The following USP32 variants were observed in gnomAD, a reference collection of about 807,000 sequenced individuals.
USP32 encodes ubiquitin specific peptidase 32.
In USP32, 59 loss-of-function variants were observed where a neutral mutation model predicts 204.8. The observed-to-expected ratio is 0.29, with a 90% CI of 0.23 to 0.36. The LOEUF is 0.36. USP32 is among the 10% of genes least tolerant of loss of function. USP32 has a pLI of 1.00. For missense variants in USP32, 1,160 were observed against 1,946.4 expected (o/e 0.60, Z 7.60); for synonymous variants, 517 against 678.4 (o/e 0.76, Z 3.70).
chr17:60,334,598 A>C (rs1455523293), intron 2 of USP32, among the ~76,000 whole-genome samples: 4 of 145,878 alleles, frequency 2.7e-5, no homozygotes, highest in Non-Finnish European at 5.9e-5. Flanking sequence ...AGGCTGAGGC[A>C]GGAGAATGGC....
rs181417242 is a variant in USP32 at position 60,209,255 on chromosome 17, T to C, written c.2598+115A>G. On this transcript the variant is annotated intron_variant, in intron 22 of 33. Transcript: ENST00000300896. The stretch of plus-strand genomic sequence containing the variant: ...CACAGAAATAGAAATTCATTCATTT[T>C]TGCAGTAAAGTTCTGATCTCAGAAT... 1,575 of 879,782 alleles carry C rather than the reference T, an allele frequency of 1.8e-3. 67 individuals carry two copies. In the Admixed American group the frequency reaches 0.052, roughly 29 times the overall value. The allele number at this position is 879,782 out of a possible 1,614,324, so 54.5% of individuals were successfully genotyped here. A position where few individuals can be genotyped will look rare whatever the true frequency, so the allele number is the denominator to read the frequency against.
At chr17:60,250,523 G>A (rs1598142539) in intron 11 of USP32, among the ~76,000 whole-genome samples, 1 of 151,836 alleles carries the variant, frequency 6.6e-6, no homozygotes, top group South Asian at 2.1e-4. Flanking sequence ...TACAATATCT[G>A]GTTTCTACAT....
chr17:60,395,025 C>T (rs1192864238), upstream of USP32, among the ~76,000 whole-genome samples: 4 of 152,038 alleles, frequency 2.6e-5, no homozygotes, highest in African/African-American at 9.7e-5. Context: ...ATTAGAGGCA[C>T]GAGCCACCAC....
intron 31 of USP32, 107 bp downstream of exon 31, chr17:60,183,058 G>C (rs1213234974): frequency 1.4e-6 from 2 of 1,440,954 alleles, no homozygotes; most frequent in Non-Finnish European, 1.9e-6. Context: ...ATTCCAGATA[G>C]GTTCTTTCCA....
chr17:60,409,094 T>A (rs145921314), intron 1 of USP32, among the ~76,000 whole-genome samples: 2 of 152,272 alleles, frequency 1.3e-5, no homozygotes, highest in African/African-American at 4.8e-5. Context: ...ATGCCTGTAA[T>A]CCCAGCACTT....
intron 19 of USP32, 56 bp from the exon 20 acceptor site, chr17:60,211,570 AAC>A (rs1052293657): frequency 6.4e-7 from 1 of 1,553,536 alleles, no homozygotes; most frequent in African/African-American, 1.4e-5. Flanking sequence ...CCATGGCACA[AAC>A]AGTTACTTAT....
chr17:60,179,089 T>C lies in USP32; in HGVS notation c.*166A>G. Reference sequence around the variant, plus strand: ...TGAGACTTCAAAATAAAATGATTACTACTCTTAAAGTTAACTATTTTAATT... The same window carrying C: ...TGAGACTTCAAAATAAAATGATTACCACTCTTAAAGTTAACTATTTTAATT... On this transcript the variant is annotated 3_prime_UTR_variant, in exon 34 of 34. Coordinates refer to ENST00000300896, the MANE Select transcript of USP32 (RefSeq NM_032582.4). 1 of 784,116 alleles carries C rather than the reference T, an allele frequency of 1.3e-6. No individual in the cohort carries two copies. Among genetic ancestry groups the C allele is most frequent in the Non-Finnish European group, 1.9e-6 (1 of 514,962 alleles). The allele number at this position is 784,116 out of a possible 1,614,324, so 48.6% of individuals were successfully genotyped here. A position where few individuals can be genotyped will look rare whatever the true frequency, so the allele number is the denominator to read the frequency against.
chr17:60,325,644 G>A lies in USP32; in HGVS notation c.186+19837C>T, dbSNP rs983481983. Among the ~76,000 whole-genome samples, 5 of 151,748 alleles carry A rather than the reference G, an allele frequency of 3.3e-5. No individual in the cohort carries two copies. In the East Asian group the frequency reaches 9.7e-4, roughly 30 times the overall value. ...AAAATTATTTTAAAATAACAGTAAAGGGCCAGGCGCGGTGGCTCACACCTA... is the reference window on the plus strand; with the variant it reads ...AAAATTATTTTAAAATAACAGTAAAAGGCCAGGCGCGGTGGCTCACACCTA... On this transcript the variant is annotated intron_variant, in intron 2 of 33. Coordinates refer to ENST00000300896, the MANE Select transcript of USP32 (RefSeq NM_032582.4).
intron 16 of USP32, chr17:60,219,459 T>C (rs2440062): frequency 5.3e-5 from 36 of 674,126 alleles, no homozygotes; most frequent in Middle Eastern, 4.9e-4. Context: ...TGCATGACCA[T>C]AGTTCTAAGC....
chr17:60,198,494 T>C, intron 26 of USP32, 50 bp from the exon 27 acceptor site: 2 of 1,600,240 alleles, frequency 1.2e-6, no homozygotes, highest in Non-Finnish European at 1.7e-6. Flanking sequence ...GGCCTCTGAT[T>C]CCTCCCTTTA....
chr17:60,402,596 A>G (rs1266936531), intron 1 of USP32, among the ~76,000 whole-genome samples: 1 of 152,178 alleles, frequency 6.6e-6, no homozygotes, highest in African/African-American at 2.4e-5. Context: ...AATCAGAATC[A>G]CGTTCCAGCA....
chr17:60,347,099 A>T (rs1255709097), intron 1 of USP32, among the ~76,000 whole-genome samples: 1 of 152,220 alleles, frequency 6.6e-6, no homozygotes, highest in Non-Finnish European at 1.5e-5. Context: ...GCCTGCTACT[A>T]CAAGAAAAGG....
At chr17:60,294,529 T>C (rs922799583) in intron 4 of USP32, among the ~76,000 whole-genome samples, 154 bp downstream of exon 4, 5 of 152,132 alleles carry the variant, frequency 3.3e-5, no homozygotes, top group African/African-American at 1.2e-4. Flanking sequence ...ATGAGAGTCA[T>C]GCAATAGCAC....
chr17:60,192,723 C>A (rs1189391220), intron 28 of USP32, 121 bp downstream of exon 28: 13 of 1,293,820 alleles, frequency 1.0e-5, no homozygotes, highest in African/African-American at 1.5e-5. Flanking sequence ...CCGTGCCCAG[C>A]CACAATTCTT....
intron 27 of USP32, among the ~76,000 whole-genome samples, chr17:60,196,651 C>T (rs560846793): frequency 6.6e-6 from 1 of 151,890 alleles, no homozygotes; most frequent in South Asian, 2.1e-4. Flanking sequence ...ATGGTGAAAC[C>T]CTGTCTGTAC....
rs1463684501 is a variant in USP32 at position 60,304,091 on chromosome 17, T to C, written c.187-2387A>G. Among the ~76,000 whole-genome samples the C allele has an allele frequency of 2.0e-5, 3 of 152,040 alleles. No homozygotes were observed. The South Asian group carries it at 6.2e-4, about 32-fold the overall frequency. On this transcript the variant is annotated intron_variant, in intron 2 of 33. Coordinates refer to ENST00000300896, the MANE Select transcript of USP32 (RefSeq NM_032582.4). ...GAGAACAAGCAGAATAGATCACACCTATAATCCCAAAAACCAACTAGACAA... is the reference window on the plus strand; with the variant it reads ...GAGAACAAGCAGAATAGATCACACCCATAATCCCAAAAACCAACTAGACAA...
At chr17:60,231,780 G>C (rs912301810) in intron 12 of USP32, 6 of 237,396 alleles carry the variant, frequency 2.5e-5, no homozygotes, top group Non-Finnish European at 4.5e-5. Flanking sequence ...ATGTAATAAT[G>C]ATAGAAAAGA....
intron 31 of USP32, among the ~76,000 whole-genome samples, chr17:60,182,070 T>C (rs1473650140): frequency 6.6e-6 from 1 of 152,198 alleles, no homozygotes; most frequent in Non-Finnish European, 1.5e-5. Context: ...CAAATACATA[T>C]TCCTCTCCTT....
chr17:60,179,730 G>C (rs1175593822), intron 33 of USP32, among the ~76,000 whole-genome samples: 3 of 152,208 alleles, frequency 2.0e-5, no homozygotes, highest in African/African-American at 7.2e-5. Context: ...GTGTGCACTG[G>C]TGCGATCTCA....
Sources: allele counts gnomAD v4.1 joint callset (sites outside exome capture counted in the v4.1 genomes callset), GRCh38; gene constraint gnomAD v4.1.1; transcripts MANE v1.5; gene names NCBI Gene and HGNC (gene_info 2026-07-23, HGNC 2026-07-21).